BRCA2: variants seen among roughly 807,000 people sequenced by gnomAD.
BRCA2 encodes breast cancer type 2 susceptibility protein.
In BRCA2, 203 loss-of-function variants were observed where a neutral mutation model predicts 276.7. The ratio of observed to expected loss-of-function variants is 0.73; its 90% confidence interval spans 0.65 to 0.82. The LOEUF (loss-of-function observed/expected upper bound fraction) is 0.82, where lower values mean the gene tolerates loss of function less well. Ranked by LOEUF, BRCA2 falls within the 40% of genes least tolerant of loss-of-function variation. The pLI is 0.00. For synonymous variants in BRCA2, 1,289 were observed against 1,338.4 expected (o/e 0.96, Z 0.81); for missense variants, 3,920 against 3,915.0 (o/e 1.00, Z -0.03).
Position 32,316,535 on chromosome 13 carries a change from C to A in BRCA2, c.67+8C>A, listed in dbSNP as rs774714454. The A allele has an allele frequency of 2.5e-6, 4 of 1,610,494 alleles. No individual in the cohort carries two copies. The highest frequency in any genetic ancestry group is 3.4e-6 in the Non-Finnish European group (4 of 1,176,954). ...CACGCTGCAACAAAGCAGGTATTGA[C>A]AAATTTTATATAACTTTATAAATTA... On this transcript the variant is annotated splice_region_variant and intron_variant, in intron 2 of 26. Coordinates refer to ENST00000380152, the MANE Select transcript of BRCA2 (RefSeq NM_000059.4).
At chr13:32,323,269 T>C (rs577996144) in intron 3 of BRCA2, among the ~76,000 whole-genome samples, 1 of 151,972 alleles carries the variant, frequency 6.6e-6, no homozygotes, top group African/African-American at 2.4e-5. Context: ...TCTCCTGCCT[T>C]AGCCTCCTGA....
At chr13:32,345,014 G>A (rs370890261) in intron 12 of BRCA2, among the ~76,000 whole-genome samples, 3 of 152,150 alleles carry the variant, frequency 2.0e-5, no homozygotes, top group South Asian at 2.1e-4. Context: ...TGCCATTACC[G>A]ATCAGAAAAG....
chr13:32,396,763 A>C (rs1178841143), intron 25 of BRCA2, 135 bp from the exon 26 acceptor site: 15 of 1,091,634 alleles, frequency 1.4e-5, no homozygotes, highest in Non-Finnish European at 2.0e-5. Flanking sequence ...ATGTTTGACA[A>C]TTGGTATCAC....
In BRCA2 at chr13:32,398,458, A is replaced by G. The variant is rs752308575; in HGVS notation, c.9945A>G (p.Lys3315=). 3 of 1,614,114 alleles carry G rather than the reference A, an allele frequency of 1.9e-6. No individual in the cohort carries two copies. Among genetic ancestry groups the G allele is most frequent in the Admixed American group, 3.3e-5 (2 of 59,996 alleles). ...GTKYETPIKK[K]ELNSPQMTPF... is the part of the protein sequence containing the mutation. ...AATACGAAACACCCATAAAGAAAAAAGAACTGAATTCTCCTCAGATGACTC... is the reference window on the plus strand; with the variant it reads ...AATACGAAACACCCATAAAGAAAAAGGAACTGAATTCTCCTCAGATGACTC... Residue 3315 remains lysine, a synonymous_variant, in exon 27 of 27, where the codon AAA becomes AAG. Coordinates refer to ENST00000380152, the MANE Select transcript of BRCA2 (RefSeq NM_000059.4).
intron 24 of BRCA2, among the ~76,000 whole-genome samples, chr13:32,383,360 AAG>A (rs1365584782): frequency 6.6e-6 from 1 of 152,178 alleles, no homozygotes; most frequent in Non-Finnish European, 1.5e-5. Flanking sequence ...AAAAAAGAAA[AAG>A]AGAAAGAAAA....
intron 13 of BRCA2, among the ~76,000 whole-genome samples, chr13:32,353,310 G>A (rs2072664654): frequency 6.6e-6 from 1 of 152,104 alleles, no homozygotes; most frequent in African/African-American, 2.4e-5. Flanking sequence ...AGTCTAGTCA[G>A]TCCTTTCAGT....
intron 24 of BRCA2, among the ~76,000 whole-genome samples, chr13:32,388,442 T>TA (rs1190984319): frequency 6.6e-6 from 1 of 152,146 alleles, no homozygotes; most frequent in African/African-American, 2.4e-5. Context: ...TTCAACTTTA[T>TA]AATGGTCTGA....
At chr13:32,383,759 G>C (rs572933331) in intron 24 of BRCA2, among the ~76,000 whole-genome samples, 1 of 147,450 alleles carries the variant, frequency 6.8e-6, no homozygotes, top group East Asian at 2.0e-4. Flanking sequence ...GTCACGGTGG[G>C]TTTGAGTTAG....
intron 13 of BRCA2, among the ~76,000 whole-genome samples, chr13:32,351,878 T>G (rs561173688): frequency 6.6e-6 from 1 of 152,172 alleles, no homozygotes; most frequent in Non-Finnish European, 1.5e-5. Context: ...CTTGGCTCAC[T>G]GCAACCTCTG....
At position 32,349,322 on chromosome 13, in the gene BRCA2, C is replaced by CA. The variant is rs71802971; in HGVS notation, c.7007+2436dup. 0.2 allele frequency among the ~76,000 whole-genome samples: 28,052 copies of CA among 143,022 alleles called. 2,723 individuals are homozygous for CA. The highest frequency in any genetic ancestry group is 0.22 in the African/African-American group (8,405 of 38,888). 93.8% of individuals were successfully genotyped at this position (143,022 alleles called of 152,430 possible). A position where few individuals can be genotyped will look rare whatever the true frequency, so the allele number is the denominator to read the frequency against. On this transcript the variant is annotated intron_variant, in intron 13 of 26. Transcript: ENST00000380152. ...ATCATTGAAGAAACTTACACACACA[C>CA]AAAAAAAAAACAAGGAAAATAGGAA...
At chr13:32,364,266 G>A (rs2072766332) in intron 18 of BRCA2, among the ~76,000 whole-genome samples, 1 of 151,744 alleles carries the variant, frequency 6.6e-6, no homozygotes, top group Non-Finnish European at 1.5e-5. Flanking sequence ...CAATGCATGT[G>A]CATAATTTGG....
chr13:32,351,848 C>CTGGA (rs2072653751), intron 13 of BRCA2, among the ~76,000 whole-genome samples: 1 of 152,038 alleles, frequency 6.6e-6, no homozygotes, highest in South Asian at 2.1e-4. Flanking sequence ...GTCGCCCAGG[C>CTGGA]TGGAGTACAG....
At position 32,340,332 on chromosome 13, in the gene BRCA2, T is replaced by C. The variant is rs1202443243; in HGVS notation, c.5977T>C (p.Leu1993=). The change falls in exon 11 of 27, where the codon TTA becomes CTA. Residue 1993 remains leucine (L), a synonymous_variant. Transcript: ENST00000380152. ...GKSVQVSDAS[L]QNARQVFSEI... ...ATCTGTCCAGGTATCAGATGCTTCA[T>C]TACAAAACGCAAGACAAGTGTTTTC... 4 of 1,614,022 alleles carry C rather than the reference T, an allele frequency of 2.5e-6. No homozygotes were observed. The highest frequency in any genetic ancestry group is 3.4e-6 in the Non-Finnish European group (4 of 1,179,942).
At chr13:32,394,644 C>G (rs1370048011) in intron 24 of BRCA2, 45 bp from the exon 25 acceptor site, 2 of 1,588,772 alleles carry the variant, frequency 1.3e-6, no homozygotes, top group African/African-American at 1.3e-5. Flanking sequence ...TAAAATTCAT[C>G]TAACACATCT....
At position 32,340,373 on chromosome 13, in the gene BRCA2, T is replaced by A. The variant is rs397507821; in HGVS notation, c.6018T>A (p.Ser2006Arg). The stretch of plus-strand genomic sequence containing the variant: ...AAGTGTTTTCTGAAATAGAAGATAG[T>A]ACCAAGCAAGTCTTTTCCAAAGTAT... ...ARQVFSEIED[S>R]TKQVFSKVLF... Residue 2006 changes from serine (S) to arginine (R), a missense_variant, in exon 11 of 27, where the codon AGT (serine) becomes AGA (arginine). This residue lies in a region of BRCA2 where 3,263 missense variants were observed against 3,156.9 expected (regional missense o/e 1.03). Transcript: ENST00000380152. 6.2e-7 allele frequency: 1 copy of A among 1,613,924 alleles called. No individual in the cohort carries two copies. The highest frequency in any genetic ancestry group is 8.5e-7 in the Non-Finnish European group (1 of 1,179,876).
chr13:32,340,547 G>A lies in BRCA2; in HGVS notation c.6192G>A (p.Lys2064=), dbSNP rs786202616. 1 of 1,612,772 alleles carries A rather than the reference G, an allele frequency of 6.2e-7. No individual in the cohort carries two copies. Among genetic ancestry groups the A allele is most frequent in the South Asian group, 1.1e-5 (1 of 90,882 alleles). ...AFSGFSTASG[K]QVSILESSLH... ...CTGGATTTAGTACAGCAAGTGGAAA[G>A]CAAGTTTCCATTTTAGAAAGTTCCT... Residue 2064 remains lysine (K), a synonymous_variant, in exon 11 of 27, where the codon AAG becomes AAA. Transcript: ENST00000380152.
At chr13:32,335,441 G>C (rs1348992421) in intron 10 of BRCA2, among the ~76,000 whole-genome samples, 1 of 151,738 alleles carries the variant, frequency 6.6e-6, no homozygotes, top group Non-Finnish European at 1.5e-5. Flanking sequence ...AAATTTAACA[G>C]AGCAGTTGAA....
intron 20 of BRCA2, 139 bp from the exon 21 acceptor site, chr13:32,376,531 A>AG: frequency 6.9e-6 from 7 of 1,016,516 alleles, no homozygotes; most frequent in Non-Finnish European, 1.0e-5. Flanking sequence ...CAAAAAAAAA[A>AG]AAAAGAAAAA....
rs1182648647 is a variant in BRCA2 at position 32,379,857 on chromosome 13, G to A, written c.9061G>A (p.Glu3021Lys). The A allele has an allele frequency of 6.2e-7, 1 of 1,613,802 alleles. No individual in the cohort carries two copies. Among genetic ancestry groups the A allele is most frequent in the Non-Finnish European group, 8.5e-7 (1 of 1,179,836 alleles). Residue 3021 changes from glutamate to lysine, a missense_variant, in exon 23 of 27, where the codon GAA becomes AAA. Physicochemically the swap from Glu to Lys is moderately conservative, Grantham distance 56 (BLOSUM62 1). Transcript: ENST00000380152. ...LATSKSKSKS[E>K]RANIQLAATK... ...AACTTCAAAATCTAAAAGTAAATCT[G>A]AAAGAGCTAACATACAGTTAGCAGC... is the stretch of plus-strand genomic sequence containing the variant.
Sources: allele counts gnomAD v4.1 joint callset (sites outside exome capture counted in the v4.1 genomes callset), GRCh38; gene constraint gnomAD v4.1.1; regional missense constraint gnomAD v4.1.1; transcripts MANE v1.5; gene names NCBI Gene and HGNC (gene_info 2026-07-23, HGNC 2026-07-21).